Variants in RALYL observed in about 807,000 individuals in gnomAD.
RALYL encodes RALY RNA binding protein like.
In RALYL, 29 loss-of-function variants were observed where a neutral mutation model predicts 35.1. The ratio of observed to expected loss-of-function variants is 0.83; its 90% CI spans 0.61 to 1.13. RALYL has a LOEUF of 1.13. Among genes scored for constraint, RALYL ranks in the 50% most tolerant of loss-of-function variants. The pLI, the probability that RALYL is intolerant of heterozygous loss-of-function variation, is 0.00. For synonymous variants in RALYL, 120 were observed against 127.6 expected, an observed-to-expected ratio of 0.94 and a Z score of 0.40; for missense variants, 359 against 360.4, an observed-to-expected ratio of 1.00 and a Z score of 0.03.
chr8:84,557,946 C>A (rs1023221818), intron 2 of RALYL, among the ~76,000 whole-genome samples: 3 of 152,150 alleles, frequency 2.0e-5, no homozygotes, highest in African/African-American at 7.2e-5. Flanking sequence ...GAACCTGAAG[C>A]ATACAAGTAA....
At chr8:84,461,797 G>T (rs2050816500) in intron 1 of RALYL, among the ~76,000 whole-genome samples, 1 of 151,766 alleles carries the variant, frequency 6.6e-6, no homozygotes, top group Admixed American at 6.6e-5. Context: ...TAAGCAGTAA[G>T]ATTACATATA....
In RALYL at chr8:84,689,514, T is replaced by C. The variant is rs542596751; in HGVS notation, c.257-85065T>C. ...TGGCTTGGTTCCAAGTCTTTGCTATTGTGAATAGTGCCGCAATAAACATAC... is the reference window on the plus strand; with the variant it reads ...TGGCTTGGTTCCAAGTCTTTGCTATCGTGAATAGTGCCGCAATAAACATAC... On this transcript the variant is annotated intron_variant, in intron 2 of 8. Coordinates refer to ENST00000521268, the MANE Select transcript of RALYL (RefSeq NM_173848.7). Among the ~76,000 whole-genome samples, 129 of 152,290 alleles carry C rather than the reference T, an allele frequency of 8.5e-4. 1 individual carries two copies. Among genetic ancestry groups the C allele is most frequent in the Admixed American group, 1.7e-3 (26 of 15,294 alleles).
At chr8:84,673,935 G>C (rs1833730292) in intron 2 of RALYL, among the ~76,000 whole-genome samples, 1 of 152,176 alleles carries the variant, frequency 6.6e-6, no homozygotes, top group Non-Finnish European at 1.5e-5. Flanking sequence ...GTAGTTTAAT[G>C]TGAACAGCAT....
Position 84,621,458 on chromosome 8 carries a change from C to T in RALYL, c.256+91881C>T, listed in dbSNP as rs552965664. The stretch of plus-strand genomic sequence containing the variant: ...CAATGCCTCACCCTGCTTCGGCTGG[C>T]GCACAGTGCACGCACCCACTGACCT... On this transcript the variant is annotated intron_variant, in intron 2 of 8. Transcript: ENST00000521268. Among the ~76,000 whole-genome samples the T allele has an allele frequency of 2.6e-4, 40 of 152,232 alleles. 1 individual carries two copies. The Middle Eastern group carries it at 0.02, about 78-fold the overall frequency.
intron 2 of RALYL, among the ~76,000 whole-genome samples, chr8:84,627,840 T>C (rs1823077331): frequency 6.6e-6 from 1 of 152,048 alleles, no homozygotes; most frequent in African/African-American, 2.4e-5. Flanking sequence ...AATGCCCATA[T>C]TTAAATTCAA....
At chr8:84,707,484 G>A (rs1467601686) in intron 2 of RALYL, among the ~76,000 whole-genome samples, 2 of 151,986 alleles carry the variant, frequency 1.3e-5, no homozygotes, top group Non-Finnish European at 2.9e-5. Flanking sequence ...GAGATTCACA[G>A]AAAAATTATA....
intron 1 of RALYL, among the ~76,000 whole-genome samples, chr8:84,387,078 AAATAT>A (rs1476358629): frequency 6.6e-6 from 1 of 151,876 alleles, no homozygotes; most frequent in African/African-American, 2.4e-5. Context: ...TCTATAAAAT[AAATAT>A]AATAATAGCT....
intron 1 of RALYL, among the ~76,000 whole-genome samples, chr8:84,202,573 T>C (rs13255177): frequency 0.32 from 48,054 of 151,620 alleles, 8,396 homozygotes; most frequent in African/African-American, 0.47. Flanking sequence ...GGGGTTTCAC[T>C]ATCTTGGCCA....
At chr8:84,783,573 A>G (rs983044030) in intron 3 of RALYL, among the ~76,000 whole-genome samples, 3 of 152,302 alleles carry the variant, frequency 2.0e-5, no homozygotes, top group African/African-American at 4.8e-5. Flanking sequence ...TATGCAAAAG[A>G]AAAACAAACT....
At chr8:84,702,650 C>T (rs1002449287) in intron 2 of RALYL, among the ~76,000 whole-genome samples, 1 of 151,428 alleles carries the variant, frequency 6.6e-6, no homozygotes, top group Non-Finnish European at 1.5e-5. Flanking sequence ...CCTCTCTCTC[C>T]TTCCTTTCTT....
intron 1 of RALYL, among the ~76,000 whole-genome samples, chr8:84,308,025 G>GA (rs754588401): frequency 0.018 from 2,472 of 135,672 alleles, 76 homozygotes; most frequent in African/African-American, 0.058. Context: ...CCGTAGGTCA[G>GA]AAAAAAAAAA....
chr8:84,719,884 C>T (rs997462006), intron 2 of RALYL, among the ~76,000 whole-genome samples: 4 of 151,992 alleles, frequency 2.6e-5, no homozygotes, highest in Non-Finnish European at 4.4e-5. Context: ...TAACTGTGAC[C>T]ATATATACAG....
chr8:84,670,298 A>G (rs1225724736), intron 2 of RALYL, among the ~76,000 whole-genome samples: 1 of 152,210 alleles, frequency 6.6e-6, no homozygotes, highest in Non-Finnish European at 1.5e-5. Context: ...GAGGAGTTAC[A>G]CAACTCTTGC....
chr8:84,582,359 A>G (rs192704265), intron 2 of RALYL, among the ~76,000 whole-genome samples: 1 of 152,142 alleles, frequency 6.6e-6, no homozygotes, highest in East Asian at 1.9e-4. Flanking sequence ...TGTTTAAATT[A>G]TACCTTTATT....
At position 84,399,607 on chromosome 8, in the gene RALYL, A is replaced by G. The variant is rs190678732; in HGVS notation, c.-23-129692A>G. On this transcript the variant is annotated intron_variant, in intron 1 of 8. Coordinates refer to ENST00000521268, the MANE Select transcript of RALYL (RefSeq NM_173848.7). The stretch of plus-strand genomic sequence containing the variant: ...ACCACAAAGCCACACTGCTTTCAAA[A>G]CCGTTCATTTACATGCATAATTATT... 3.3e-5 allele frequency among the ~76,000 whole-genome samples: 5 copies of G among 152,266 alleles called. No individual in the cohort carries two copies. The East Asian group carries it at 9.7e-4, about 29-fold the overall frequency.
At chr8:84,749,171 A>G (rs766207247) in intron 2 of RALYL, among the ~76,000 whole-genome samples, 1 of 152,164 alleles carries the variant, frequency 6.6e-6, no homozygotes, top group African/African-American at 2.4e-5. Context: ...TTGATGATAG[A>G]TAATTGGAAT....
chr8:84,432,817 T>TA (rs374944948), intron 1 of RALYL, among the ~76,000 whole-genome samples: 6 of 151,836 alleles, frequency 4.0e-5, no homozygotes, highest in African/African-American at 7.3e-5. Context: ...CTCCAGAAGC[T>TA]AAAAAAAGGC....
intron 2 of RALYL, among the ~76,000 whole-genome samples, chr8:84,766,530 A>AAAT (rs1814021340): frequency 8.0e-6 from 1 of 125,072 alleles, no homozygotes; most frequent in African/African-American, 3.0e-5. Flanking sequence ...CATCTCTACT[A>AAAT]AAATAAATAA....
At chr8:84,208,715 A>T (rs1206350700) in intron 1 of RALYL, among the ~76,000 whole-genome samples, 1 of 152,056 alleles carries the variant, frequency 6.6e-6, no homozygotes, top group South Asian at 2.1e-4. Flanking sequence ...CTAATTAATA[A>T]AATGATTGAC....
Sources: gnomAD v4.1 joint callset for allele counts (sites outside exome capture counted in the v4.1 genomes callset) on GRCh38, gnomAD v4.1.1 for gene constraint, MANE v1.5 for transcripts, NCBI Gene and HGNC (gene_info 2026-07-23, HGNC 2026-07-21) for gene names.